The following GAD2 variants were observed in gnomAD, a reference collection of about 807,000 sequenced individuals.
GAD2 encodes the protein glutamate decarboxylase 2, also known as 65 kDa glutamic acid decarboxylase.
A neutral mutation model predicts 80.1 loss-of-function variants in GAD2; 22 were observed. The observed-to-expected ratio is 0.27, with a 90% CI of 0.20 to 0.39. The LOEUF is 0.39. Ranked by LOEUF, GAD2 falls within the 10% of genes least tolerant of loss-of-function variation. The pLI is 1.00. For missense variants in GAD2, 624 were observed against 738.4 expected, an observed-to-expected ratio of 0.85 and a Z score of 1.80; for synonymous variants, 274 against 256.9, an observed-to-expected ratio of 1.07 and a Z score of -0.64.
chr10:26,252,541 TCATGTCAC>T (rs1224442627), intron 8 of GAD2, among the ~76,000 whole-genome samples: 5 of 151,740 alleles, frequency 3.3e-5, no homozygotes, highest in Non-Finnish European at 7.4e-5. Context: ...CAGGATCTTA[TCATGTCAC>T]CATGTTGGCC....
chr10:26,216,541 C>G (rs1180086806), upstream of GAD2: 2 of 323,412 alleles, frequency 6.2e-6, no homozygotes, highest in Non-Finnish European at 1.1e-5. The surrounding 1 kb of genome is among the most constrained non-coding windows in gnomAD (Gnocchi z 4.7). Context: ...CTCCGAGGAC[C>G]CTTAGGTAGT....
intron 7 of GAD2, among the ~76,000 whole-genome samples, chr10:26,237,673 A>AT (rs1844691853): frequency 6.6e-6 from 1 of 152,016 alleles, no homozygotes; most frequent in African/African-American, 2.4e-5. Context: ...CTACTTGTAT[A>AT]ATTTTGAGAT....
rs1314652429 is a variant in GAD2 at position 26,219,105 on chromosome 10, A to G, written c.349A>G (p.Ile117Val). 1.2e-6 allele frequency: 2 copies of G among 1,611,636 alleles called. No individual in the cohort carries two copies. The highest frequency in any genetic ancestry group is 1.7e-6 in the Non-Finnish European group (2 of 1,179,058). ...GGCGTTTCTGCAAGATGTTATGAAC[A>G]TTTTACTTCAGTATGTGGTGAAAAG... ...TLAFLQDVMN[I>V]LLQYVVKSFD... The change falls in exon 4 of 16, where the codon ATT becomes GTT. Residue 117 changes from isoleucine to valine, a missense_variant. Transcript: ENST00000376261.
chr10:26,273,601 A>G lies in GAD2; in HGVS notation c.1093-35A>G, dbSNP rs78713532. ...ACTATAGAAATCTAGGCAATGACAA[A>G]CTGCTACCATTTTCCTCATATGATT... On this transcript the variant is annotated intron_variant, in intron 10 of 15. Coordinates refer to ENST00000376261, the MANE Select transcript of GAD2 (RefSeq NM_001134366.2). The G allele has an allele frequency of 2.1e-3, 3,280 of 1,578,136 alleles. 47 individuals carry two copies. In the African/African-American group the frequency reaches 0.036, roughly 17 times the overall value.
chr10:26,240,880 C>G (rs1347134474), intron 7 of GAD2, among the ~76,000 whole-genome samples: 1 of 151,740 alleles, frequency 6.6e-6, no homozygotes, highest in Non-Finnish European at 1.5e-5. Context: ...ACTAAAAATA[C>G]AAAAACAAAA....
In GAD2 at chr10:26,243,436, A is replaced by T. The variant is rs1468034184; in HGVS notation, c.841-2485A>T. Reference sequence around the variant, plus strand: ...AAAATTCCAGTCAGCAGCCCTTTGGAGATGTAAATTGAGGAAGCAGCTCTT... The same window carrying T: ...AAAATTCCAGTCAGCAGCCCTTTGGTGATGTAAATTGAGGAAGCAGCTCTT... On this transcript the variant is annotated intron_variant, in intron 7 of 15. Transcript: ENST00000376261. Among the ~76,000 whole-genome samples the T allele has an allele frequency of 2.0e-5, 3 of 152,156 alleles. No individual in the cohort carries two copies. In the East Asian group the frequency reaches 5.8e-4, roughly 29 times the overall value.
intron 8 of GAD2, among the ~76,000 whole-genome samples, chr10:26,248,798 G>T (rs1290592529): frequency 6.6e-6 from 1 of 151,902 alleles, no homozygotes; most frequent in Non-Finnish European, 1.5e-5. Context: ...AGAGAACATA[G>T]CTTTGCAATC....
At chr10:26,239,020 A>G (rs901235331) in intron 7 of GAD2, among the ~76,000 whole-genome samples, 2 of 152,072 alleles carry the variant, frequency 1.3e-5, no homozygotes, top group Non-Finnish European at 2.9e-5. Flanking sequence ...GGAAGGGTCA[A>G]ATGGGCAGAT....
chr10:26,222,717 GTGTC>G (rs1449796231), intron 4 of GAD2, among the ~76,000 whole-genome samples: 47 of 152,322 alleles, frequency 3.1e-4, no homozygotes, highest in African/African-American at 1.0e-3. Flanking sequence ...TCTTTACCCA[GTGTC>G]TGTCTGGCCA....
At chr10:26,242,784 C>T (rs974117791) in intron 7 of GAD2, among the ~76,000 whole-genome samples, 2 of 152,170 alleles carry the variant, frequency 1.3e-5, no homozygotes, top group African/African-American at 4.8e-5. Context: ...TTAAGAACCC[C>T]TATTCTTTCT....
At chr10:26,260,596 C>A (rs900968807) in intron 8 of GAD2, among the ~76,000 whole-genome samples, 2 of 152,168 alleles carry the variant, frequency 1.3e-5, no homozygotes, top group Admixed American at 1.3e-4. Context: ...CCACTGCACT[C>A]CAGCGTGGGT....
intron 7 of GAD2, among the ~76,000 whole-genome samples, chr10:26,239,676 G>A (rs936099806): frequency 2.0e-5 from 3 of 152,234 alleles, no homozygotes; most frequent in African/African-American, 7.2e-5. Context: ...TAGGGTGGTA[G>A]TCAGCTACTT....
chr10:26,273,325 G>A (rs771597820), intron 10 of GAD2, among the ~76,000 whole-genome samples: 5 of 152,224 alleles, frequency 3.3e-5, no homozygotes, highest in African/African-American at 7.2e-5. Flanking sequence ...ACAGGGTTTC[G>A]TATTCTGAGA....
intron 6 of GAD2, among the ~76,000 whole-genome samples, chr10:26,229,461 G>A (rs1328656785): frequency 6.6e-6 from 1 of 152,124 alleles, no homozygotes; most frequent in Non-Finnish European, 1.5e-5. Flanking sequence ...ACTGAGATGG[G>A]GTGTGACAGT....
At chr10:26,293,965 G>A (rs1834246806) in intron 15 of GAD2, among the ~76,000 whole-genome samples, 1 of 152,212 alleles carries the variant, frequency 6.6e-6, no homozygotes, top group African/African-American at 2.4e-5. Context: ...CGAGCCTAAG[G>A]GCTTGAGCTT....
rs971626580 is a variant in GAD2 at position 26,303,472 on chromosome 10, G to A, written c.*2511G>A. 3 of 141,102 alleles carry A rather than the reference G, an allele frequency of 2.1e-5. No individual in the cohort carries two copies. The highest frequency in any genetic ancestry group is 2.1e-4 in the Admixed American group (3 of 14,142). 8.7% of individuals were successfully genotyped at this position (141,102 alleles called of 1,614,324 possible). On this transcript the variant is annotated 3_prime_UTR_variant, in exon 16 of 16. Coordinates refer to ENST00000376261, the MANE Select transcript of GAD2 (RefSeq NM_001134366.2). ...GGAGGGAGGGAGGGAGGGAGGGAAG[G>A]AGGGAGGGAGGAAGGAAATGAAGGG...
At chr10:26,297,288 T>G (rs1228264808) in intron 15 of GAD2, among the ~76,000 whole-genome samples, 2 of 152,214 alleles carry the variant, frequency 1.3e-5, no homozygotes, top group African/African-American at 2.4e-5. Context: ...TTTCTCGCAG[T>G]CTTCCAAAAT....
At chr10:26,244,666 C>A (rs188414481) in intron 7 of GAD2, among the ~76,000 whole-genome samples, 2 of 151,958 alleles carry the variant, frequency 1.3e-5, no homozygotes, top group African/African-American at 4.8e-5. Flanking sequence ...ATGTGAGGTA[C>A]TTAGAGTAGT....
At chr10:26,272,074 T>A (rs1257357288) in intron 10 of GAD2, among the ~76,000 whole-genome samples, 1 of 152,216 alleles carries the variant, frequency 6.6e-6, no homozygotes, top group Non-Finnish European at 1.5e-5. Context: ...TAATGTTCTT[T>A]TCTTTAGGGG....
Sources: gnomAD v4.1 joint callset for allele counts (sites outside exome capture counted in the v4.1 genomes callset) on GRCh38, gnomAD v4.1.1 for gene constraint, Gnocchi (gnomAD v3.1) non-coding constraint, MANE v1.5 for transcripts, NCBI Gene and HGNC (gene_info 2026-07-23, HGNC 2026-07-21) for gene names.